UBE2S: variants seen among roughly 807,000 people sequenced by gnomAD.
UBE2S encodes the protein ubiquitin-conjugating enzyme E2 S.
In UBE2S, 3 loss-of-function variants were observed where a neutral mutation model predicts 12.3. That is an observed-to-expected ratio of 0.24 (90% CI 0.11 to 0.63). The LOEUF is 0.63. Ranked by LOEUF, UBE2S falls within the 30% of genes least tolerant of loss-of-function variation. The probability of loss-of-function intolerance (pLI) is 0.85; values close to 1 mark genes in which losing one functional copy is unlikely to be tolerated. For missense variants in UBE2S, 211 were observed against 313.9 expected (o/e 0.67, Z 2.48); for synonymous variants, 133 against 142.0 (o/e 0.94, Z 0.45).
chr19:55,403,712 A>G (rs1215607628), intron 3 of UBE2S, among the ~76,000 whole-genome samples: 1 of 150,428 alleles, frequency 6.6e-6, no homozygotes, highest in African/African-American at 2.5e-5. Flanking sequence ...GCAACAAATG[A>G]GACCCCATTC....
At chr19:55,406,391 C>A (rs931989128) in intron 2 of UBE2S, among the ~76,000 whole-genome samples, 6 of 152,164 alleles carry the variant, frequency 3.9e-5, no homozygotes, top group Admixed American at 1.3e-4. Flanking sequence ...ATTCATGACC[C>A]GTCTCCCCAC....
In UBE2S at chr19:55,407,763, G is replaced by T; in HGVS notation, c.-174C>A. The T allele has an allele frequency of 2.5e-6, 1 of 398,498 alleles. No individual in the cohort carries two copies. The highest frequency in any genetic ancestry group is 4.2e-6 in the Non-Finnish European group (1 of 239,742). The allele number at this position is 398,498 out of a possible 1,614,324, so 24.7% of individuals were successfully genotyped here. A position where few individuals can be genotyped will look rare whatever the true frequency, so the allele number is the denominator to read the frequency against. On this transcript the variant is annotated 5_prime_UTR_variant, in exon 1 of 4. Coordinates refer to ENST00000264552, the MANE Select transcript of UBE2S (RefSeq NM_014501.3). ...CGCGCACAGCGTAGACCAACCCGCC[G>T]CCCCGGTGCCCGGCAGCACTGAGCC...
chr19:55,407,468 G>C (rs1454649921), intron 1 of UBE2S, 119 bp downstream of exon 1: 2 of 1,152,024 alleles, frequency 1.7e-6, no homozygotes, highest in Admixed American at 3.4e-5. Context: ...TCCCGGGTCA[G>C]GGACCCCCAG....
At chr19:55,403,142 T>C in intron 3 of UBE2S, 2 of 749,710 alleles carry the variant, frequency 2.7e-6, no homozygotes, top group Non-Finnish European at 4.7e-6. Flanking sequence ...CAACCCTTTC[T>C]GGTCTCCTGA....
At chr19:55,405,587 G>A (rs2123315578) in intron 2 of UBE2S, among the ~76,000 whole-genome samples, 1 of 151,720 alleles carries the variant, frequency 6.6e-6, no homozygotes, top group South Asian at 2.1e-4. Flanking sequence ...CAGAGATGAT[G>A]CCCATCTTGC....
chr19:55,407,101 C>G (rs1600323740), intron 1 of UBE2S, 139 bp from the exon 2 acceptor site: 2 of 1,028,732 alleles, frequency 1.9e-6, no homozygotes, highest in East Asian at 2.9e-5. Flanking sequence ...GACCCTCACC[C>G]AGGATGCTTC....
Position 55,404,479 on chromosome 19 carries a change from C to A in UBE2S, c.152-1G>T. The A allele has an allele frequency of 6.2e-7, 1 of 1,603,638 alleles. No homozygotes were observed. The highest frequency in any genetic ancestry group is 8.5e-7 in the Non-Finnish European group (1 of 1,174,316). On this transcript the variant is annotated splice_acceptor_variant, in intron 2 of 3. Transcript: ENST00000264552. LOFTEE classifies it high-confidence loss of function. This position sits in a 1 kb window ranked among gnomAD's most constrained non-coding sequence, Gnocchi z 4.4. ...AGACCTCCAGCATATGGGGTCCCCT[C>A]TGGAGTGGAGGGAGGGGTACAGGGT... is the stretch of plus-strand genomic sequence containing the variant.
Position 55,401,603 on chromosome 19 carries a change from C to T in UBE2S, c.502G>A (p.Gly168Ser), listed in dbSNP as rs753918789. The change falls in exon 4 of 4, where the codon GGT (glycine) becomes AGT (serine). Residue 168 changes from glycine to serine, a missense_variant. Coordinates refer to ENST00000264552, the MANE Select transcript of UBE2S (RefSeq NM_014501.3). ...TCAGTGCCACTGGCCAGGGCCCGACCGGCTTCGGCCCTGCCGCTGGGCCCG... is the reference window on the plus strand; with the variant it reads ...TCAGTGCCACTGGCCAGGGCCCGACTGGCTTCGGCCCTGCCGCTGGGCCCG... ...AGGPSGRAEA[G>S]RALASGTEAS... 242 of 1,606,398 alleles carry T rather than the reference C, an allele frequency of 1.5e-4. No individual in the cohort carries two copies. The highest frequency in any genetic ancestry group is 1.2e-4 in the Admixed American group (7 of 59,210).
chr19:55,407,507 C>T (rs1359133872), intron 1 of UBE2S, 80 bp downstream of exon 1: 3 of 1,458,610 alleles, frequency 2.1e-6, no homozygotes, highest in East Asian at 2.8e-5. Context: ...CAAGGCCGCC[C>T]GTCGGAGGCC....
intron 3 of UBE2S, chr19:55,403,275 A>G: frequency 1.7e-6 from 1 of 574,314 alleles, no homozygotes; most frequent in Non-Finnish European, 3.1e-6. Context: ...ACGGCATGTA[A>G]GCTCAGCTTT....
intron 3 of UBE2S, among the ~76,000 whole-genome samples, chr19:55,402,203 C>G (rs956300064): frequency 6.6e-6 from 1 of 152,234 alleles, no homozygotes; most frequent in Non-Finnish European, 1.5e-5. Flanking sequence ...AGAGAAGAGA[C>G]TTCCCCAGGG....
rs534399153 is a variant in UBE2S, at chr19:55,401,599, C to G, written c.506G>C (p.Arg169Pro). 8.1e-6 allele frequency: 13 copies of G among 1,606,256 alleles called. No homozygotes were observed. The highest frequency in any genetic ancestry group is 6.6e-5 in the South Asian group (6 of 90,766). ...AGCTTCAGTGCCACTGGCCAGGGCC[C>G]GACCGGCTTCGGCCCTGCCGCTGGG... ...GGPSGRAEAGRALASGTEASS... is the reference protein window; with the variant it reads ...GGPSGRAEAGPALASGTEASS... The change falls in exon 4 of 4, where the codon CGG becomes CCG. Residue 169 changes from arginine (R) to proline (P), a missense_variant. Arg to Pro is a moderately radical substitution (Grantham distance 103, BLOSUM62 -2). Around this residue, in one of 2 missense-constraint regions of UBE2S, gnomAD observed 84 missense variants for 89.9 expected, o/e 0.93. Coordinates refer to ENST00000264552, the MANE Select transcript of UBE2S (RefSeq NM_014501.3).
Position 55,401,456 on chromosome 19 carries a change from G to T in UBE2S, c.649C>A (p.Arg217=). 1 of 1,605,656 alleles carries T rather than the reference G, an allele frequency of 6.2e-7. No individual in the cohort carries two copies. The highest frequency in any genetic ancestry group is 8.5e-7 in the Non-Finnish European group (1 of 1,179,236). ...LAAKKKTDKK[R]ALRRL is the part of the protein sequence containing the mutation. ...GCCCACTACAGCCGCCGCAGCGCCC[G>T]CTTCTTGTCCGTCTTTTTCTTGGCC... The change falls in exon 4 of 4, where the codon CGG becomes AGG. Residue 217 remains arginine, a synonymous_variant. Coordinates refer to ENST00000264552, the MANE Select transcript of UBE2S (RefSeq NM_014501.3).
In UBE2S at chr19:55,401,479, G is replaced by A. The variant is rs762799159; in HGVS notation, c.626C>T (p.Ala209Val). 3.7e-6 allele frequency: 6 copies of A among 1,607,944 alleles called. No homozygotes were observed. The African/African-American group carries it at 8.0e-5, about 22-fold the overall frequency. Residue 209 changes from alanine (A) to valine (V), a missense_variant, in exon 4 of 4, where the codon GCC becomes GTC. Transcript: ENST00000264552. ...HAGERDKKLA[A>V]KKKTDKKRAL... ...CCGCTTCTTGTCCGTCTTTTTCTTG[G>A]CCGCCAGCTTCTTATCGCGCTCGCC... is the stretch of plus-strand genomic sequence containing the variant.
Position 55,400,667 on chromosome 19 carries a change from C to A in UBE2S, c.*769G>T, listed in dbSNP as rs1022174955. 5.9e-5 allele frequency: 9 copies of A among 152,370 alleles called. No homozygotes were observed. The highest frequency in any genetic ancestry group is 2.2e-4 in the African/African-American group (9 of 41,574). The allele number at this position is 152,370 out of a possible 1,614,324, so 9.4% of individuals were successfully genotyped here. On this transcript the variant is annotated 3_prime_UTR_variant, in exon 4 of 4. Transcript: ENST00000264552. ...GGAAGAGGACCCAGACTAAGGAACA[C>A]CAACAACCAATACCTCAATTTTAGC...
chr19:55,407,102 A>T, intron 1 of UBE2S, 140 bp from the exon 2 acceptor site: 1 of 1,009,600 alleles, frequency 9.9e-7, no homozygotes, highest in Non-Finnish European at 1.4e-6. Flanking sequence ...ACCCTCACCC[A>T]GGATGCTTCA....
chr19:55,403,351 T>TC lies in UBE2S; in HGVS notation c.342+936_342+937insG, dbSNP rs2090074884. 3 of 503,356 alleles carry TC rather than the reference T, an allele frequency of 6.0e-6. No individual in the cohort carries two copies. In the Admixed American group the frequency reaches 1.1e-4, roughly 18 times the overall value. 31.2% of individuals were successfully genotyped at this position (503,356 alleles called of 1,614,324 possible). A position where few individuals can be genotyped will look rare whatever the true frequency, so the allele number is the denominator to read the frequency against. ...TAAAAATATAAAAACTAGCTGGGTA[T>TC]GGTGGTGCATGCGTGTAATACCAGC... On this transcript the variant is annotated intron_variant, in intron 3 of 3. Transcript: ENST00000264552.
At chr19:55,407,553 G>C in intron 1 of UBE2S, 34 bp downstream of exon 1, 1 of 1,521,738 alleles carries the variant, frequency 6.6e-7, no homozygotes, top group Non-Finnish European at 8.8e-7. Context: ...GGACACCCCC[G>C]ACCACCTTCA....
chr19:55,407,518 C>T (rs1287702555), intron 1 of UBE2S, 69 bp downstream of exon 1: 2 of 1,504,524 alleles, frequency 1.3e-6, no homozygotes, highest in Admixed American at 2.1e-5. Context: ...GTCGGAGGCC[C>T]CTGAGACTCC....
Sources: allele counts gnomAD v4.1 joint callset (sites outside exome capture counted in the v4.1 genomes callset), GRCh38; gene constraint gnomAD v4.1.1; regional missense constraint gnomAD v4.1.1; non-coding constraint Gnocchi (gnomAD v3.1); transcripts MANE v1.5; gene names NCBI Gene and HGNC (gene_info 2026-07-23, HGNC 2026-07-21).